The following WASHC3 variants were observed in gnomAD, a reference collection of about 807,000 sequenced individuals.
WASHC3 encodes WASH complex subunit 3.
In WASHC3, 24 loss-of-function variants were observed where a neutral mutation model predicts 26.1. The observed-to-expected ratio is 0.92, with a 90% CI of 0.66 to 1.29. WASHC3 has a LOEUF of 1.29. Among genes scored for constraint, WASHC3 ranks in the 50% most tolerant of loss-of-function variants. WASHC3 has a pLI of 0.00. For synonymous variants in WASHC3, 77 were observed against 75.7 expected (o/e 1.02, Z -0.09); for missense variants, 214 against 229.6 (o/e 0.93, Z 0.44).
At chr12:102,047,072 G>T (rs1878197382) in intron 2 of WASHC3, among the ~76,000 whole-genome samples, 1 of 152,156 alleles carries the variant, frequency 6.6e-6, no homozygotes, top group Admixed American at 6.5e-5. Context: ...TAATTAAATT[G>T]TCAATGTACC....
At chr12:102,046,327 TGCTCTGTC>T (rs1377676689) in intron 2 of WASHC3, among the ~76,000 whole-genome samples, 1 of 152,140 alleles carries the variant, frequency 6.6e-6, no homozygotes, top group Non-Finnish European at 1.5e-5. Context: ...GACGGAGTCT[TGCTCTGTC>T]GCCAGGCTGG....
chr12:102,020,904 A>G (rs1876928672), intron 6 of WASHC3, among the ~76,000 whole-genome samples: 2 of 152,192 alleles, frequency 1.3e-5, no homozygotes, highest in Admixed American at 1.3e-4. Context: ...CAACATGGTG[A>G]AACCCTGTCT....
At chr12:102,054,897 G>A (rs982132596) in intron 2 of WASHC3, among the ~76,000 whole-genome samples, 3 of 152,082 alleles carry the variant, frequency 2.0e-5, no homozygotes, top group African/African-American at 7.2e-5. Context: ...ACTTATGGGA[G>A]GTGGCAAAAG....
Position 102,039,934 on chromosome 12 carries a change from T to C in WASHC3, c.369A>G (p.Ser123=), listed in dbSNP as rs780360659. ...TGGCTACAGTTAAGATATTTTCTGC[T>C]GATACTTCACTTTCCTGTAGTCCAG... ...QDSGLQESEV[S]AENILTVAKD... The change falls in exon 5 of 7, where the codon TCA becomes TCG. Residue 123 remains serine, a synonymous_variant. Transcript: ENST00000240079. 2 of 1,605,044 alleles carry C rather than the reference T, an allele frequency of 1.2e-6. No homozygotes were observed. Among genetic ancestry groups the C allele is most frequent in the South Asian group, 1.1e-5 (1 of 90,822 alleles).
chr12:102,057,723 A>G, intron 2 of WASHC3, among the ~76,000 whole-genome samples: 1 of 152,130 alleles, frequency 6.6e-6, no homozygotes, highest in East Asian at 1.9e-4. Context: ...AGATCTGTAC[A>G]CTGAAAACTA....
At chr12:102,015,695 T>C (rs1359982785) in intron 6 of WASHC3, among the ~76,000 whole-genome samples, 2 of 152,218 alleles carry the variant, frequency 1.3e-5, no homozygotes, top group African/African-American at 4.8e-5. Context: ...GAATAACAAG[T>C]AGTTCCTTCC....
Position 102,060,956 on chromosome 12 carries a change from C to CAAAAAAAAAAAA in WASHC3, c.150+280_150+291dup, listed in dbSNP as rs56001519. 9.0e-5 allele frequency among the ~76,000 whole-genome samples: 5 copies of CAAAAAAAAAAAA among 55,628 alleles called. No homozygotes were observed. In the East Asian group the frequency reaches 1.7e-3, roughly 18 times the overall value. The allele number at this position is 55,628 out of a possible 152,430, so 36.5% of individuals were successfully genotyped here. A position where few individuals can be genotyped will look rare whatever the true frequency, so the allele number is the denominator to read the frequency against. ...GGTGACAGAGTGAGACCCTGTCTCA[C>CAAAAAAAAAAAA]AAAAAAAAAAAAAAAAAAAAAAAAA... On this transcript the variant is annotated intron_variant, in intron 2 of 6. Transcript: ENST00000240079.
intron 2 of WASHC3, among the ~76,000 whole-genome samples, chr12:102,056,353 T>C (rs1169400782): frequency 6.6e-6 from 1 of 152,214 alleles, no homozygotes; most frequent in Non-Finnish European, 1.5e-5. Flanking sequence ...TTTTCCACAG[T>C]ACTGGAGACC....
At chr12:102,052,842 G>A (rs1200172683) in intron 2 of WASHC3, among the ~76,000 whole-genome samples, 8 of 151,354 alleles carry the variant, frequency 5.3e-5, no homozygotes, top group African/African-American at 1.5e-4. Context: ...CACTATTGCC[G>A]TAGGACCCAG....
chr12:102,031,344 T>C (rs938152655), intron 5 of WASHC3, among the ~76,000 whole-genome samples: 4 of 152,202 alleles, frequency 2.6e-5, no homozygotes, highest in Non-Finnish European at 5.9e-5. Flanking sequence ...GCATTTGATA[T>C]AAGCTAGAAA....
At chr12:102,045,817 T>G (rs184790382) in intron 3 of WASHC3, among the ~76,000 whole-genome samples, 1 of 152,274 alleles carries the variant, frequency 6.6e-6, no homozygotes, top group Non-Finnish European at 1.5e-5. Context: ...ACTCGCATTA[T>G]GCGTTTGCCT....
intron 5 of WASHC3, among the ~76,000 whole-genome samples, chr12:102,026,392 A>G (rs1426221308): frequency 4.6e-5 from 7 of 152,226 alleles, no homozygotes; most frequent in Admixed American, 3.9e-4. Flanking sequence ...TACAATGAAT[A>G]GTTAACAATA....
intron 5 of WASHC3, among the ~76,000 whole-genome samples, chr12:102,028,814 A>G (rs1341857540): frequency 2.0e-5 from 3 of 150,668 alleles, no homozygotes; most frequent in East Asian, 1.9e-4. Context: ...TTATATCACA[A>G]TAAGAATTAT....
intron 5 of WASHC3, among the ~76,000 whole-genome samples, chr12:102,032,910 G>A (rs1301641341): frequency 1.3e-5 from 2 of 152,118 alleles, no homozygotes; most frequent in Non-Finnish European, 2.9e-5. Context: ...TCAGAGGGTA[G>A]TAATCCAGCA....
At chr12:102,020,643 T>C (rs1876913833) in intron 6 of WASHC3, among the ~76,000 whole-genome samples, 1 of 152,220 alleles carries the variant, frequency 6.6e-6, no homozygotes, top group African/African-American at 2.4e-5. Context: ...AGCAAAAACA[T>C]TGTCAGTAAA....
chr12:102,056,943 G>A (rs1878616008), intron 2 of WASHC3, among the ~76,000 whole-genome samples: 2 of 152,108 alleles, frequency 1.3e-5, no homozygotes, highest in Non-Finnish European at 2.9e-5. Context: ...TGATTCCAAA[G>A]CCAGACAAAT....
At chr12:102,051,590 A>G (rs1193636013) in intron 2 of WASHC3, among the ~76,000 whole-genome samples, 1 of 152,244 alleles carries the variant, frequency 6.6e-6, no homozygotes, top group Non-Finnish European at 1.5e-5. Context: ...TCTTAATCAG[A>G]TAAAGCAGTG....
chr12:102,061,030 ATC>A (rs2136699051), intron 2 of WASHC3, among the ~76,000 whole-genome samples: 1 of 151,700 alleles, frequency 6.6e-6, no homozygotes, highest in South Asian at 2.1e-4. Flanking sequence ...TGACTGACCT[ATC>A]TCACAGGGAC....
chr12:102,035,834 A>G (rs552145068), intron 5 of WASHC3, among the ~76,000 whole-genome samples: 1 of 152,364 alleles, frequency 6.6e-6, no homozygotes, highest in South Asian at 2.1e-4. Context: ...GACAAACTCC[A>G]GGAAGAATAC....
Sources: gnomAD v4.1 joint callset for allele counts (sites outside exome capture counted in the v4.1 genomes callset) on GRCh38, gnomAD v4.1.1 for gene constraint, MANE v1.5 for transcripts, NCBI Gene and HGNC (gene_info 2026-07-23, HGNC 2026-07-21) for gene names.